The following USP46 variants were observed in gnomAD, a reference collection of about 807,000 sequenced individuals.
The protein encoded by USP46 is ubiquitin carboxyl-terminal hydrolase 46.
A neutral mutation model predicts 44.4 loss-of-function variants in USP46; 12 were observed. The observed-to-expected ratio is 0.27, with a 90% CI of 0.17 to 0.44. The LOEUF (loss-of-function observed/expected upper bound fraction) is 0.44, where lower values mean the gene tolerates loss of function less well. USP46 is among the 20% of genes least tolerant of loss of function. The pLI, the probability that USP46 is intolerant of heterozygous loss-of-function variation, is 1.00. For missense variants in USP46, 248 were observed against 444.8 expected, an observed-to-expected ratio of 0.56 and a Z score of 3.98; for synonymous variants, 155 against 161.5, an observed-to-expected ratio of 0.96 and a Z score of 0.31.
intron 6 of USP46, 42 bp from the exon 7 acceptor site, chr4:52,602,096 TA>T (rs1383271351): frequency 2.5e-6 from 4 of 1,577,700 alleles, no homozygotes; most frequent in Non-Finnish European, 3.4e-6. Flanking sequence ...ACCCAACACC[TA>T]TTAGGGGAAG....
At chr4:52,599,702 A>G (rs1045631490) in intron 7 of USP46, among the ~76,000 whole-genome samples, 1 of 152,158 alleles carries the variant, frequency 6.6e-6, no homozygotes, top group African/African-American at 2.4e-5. Context: ...TCCTAAACCT[A>G]AAACTGTTTT....
intron 8 of USP46, 116 bp downstream of exon 8, chr4:52,598,512 T>C: frequency 8.8e-7 from 1 of 1,141,206 alleles, no homozygotes; most frequent in Non-Finnish European, 1.3e-6. Flanking sequence ...AAATTTAAGT[T>C]GTTTTCAAAT....
intron 4 of USP46, among the ~76,000 whole-genome samples, chr4:52,619,415 C>T (rs994003548): frequency 6.6e-6 from 1 of 152,102 alleles, no homozygotes; most frequent in Non-Finnish European, 1.5e-5. Flanking sequence ...GGCAAGGTGC[C>T]CCCAGGGGCA....
intron 1 of USP46, among the ~76,000 whole-genome samples, chr4:52,657,245 G>A (rs1349053552): frequency 6.6e-6 from 1 of 152,028 alleles, no homozygotes; most frequent in Non-Finnish European, 1.5e-5. Flanking sequence ...TCAACTCTCA[G>A]GGCAGTATTG....
At chr4:52,632,904 GAGAAAGAAAGAA>G (rs1309590954) in intron 1 of USP46, among the ~76,000 whole-genome samples, 2 of 86,884 alleles carry the variant, frequency 2.3e-5, no homozygotes, top group African/African-American at 8.4e-5. Context: ...GGAAGGGAAA[GAGAAAGAAAGAA>G]AGAGAAAGAA....
At chr4:52,650,239 T>C (rs1015213000) in intron 1 of USP46, among the ~76,000 whole-genome samples, 1 of 152,164 alleles carries the variant, frequency 6.6e-6, no homozygotes, top group Non-Finnish European at 1.5e-5. Context: ...TAAACCATGG[T>C]TAAGTCAAAG....
intron 4 of USP46, among the ~76,000 whole-genome samples, chr4:52,615,848 G>C (rs1204125441): frequency 6.6e-6 from 1 of 152,160 alleles, no homozygotes; most frequent in East Asian, 1.9e-4. Context: ...TAACTGGATA[G>C]GTTTATGGCA....
intron 5 of USP46, among the ~76,000 whole-genome samples, chr4:52,608,936 T>C (rs574431443): frequency 8.6e-5 from 13 of 151,990 alleles, no homozygotes; most frequent in Non-Finnish European, 1.6e-4. Context: ...TCTAAGGCGC[T>C]CAAGTGGAAG....
intron 1 of USP46, among the ~76,000 whole-genome samples, chr4:52,632,029 GGGGAAGGGGAAGGGGAAA>G (rs1717844363): frequency 6.6e-6 from 1 of 151,628 alleles, no homozygotes. Flanking sequence ...GGAAGGGGAA[GGGGAAGGGGAAGGGGAAA>G]GGGAAGGGGA....
At position 52,591,438 on chromosome 4, in the gene USP46, A is replaced by G. The variant is rs761290158; in HGVS notation, c.*6202T>C. The G allele has an allele frequency of 6.6e-6, 1 of 152,238 alleles. No individual in the cohort carries two copies. The highest frequency in any genetic ancestry group is 1.5e-5 in the Non-Finnish European group (1 of 68,054). The allele number at this position is 152,238 out of a possible 1,614,324, so 9.4% of individuals were successfully genotyped here. A position where few individuals can be genotyped will look rare whatever the true frequency, so the allele number is the denominator to read the frequency against. ...CACAAGTGCCTGAACTCCTTTTCCA[A>G]GAAGAGCTTCTGTAGAATTCCACAC... On this transcript the variant is annotated 3_prime_UTR_variant, in exon 9 of 9. Coordinates refer to ENST00000441222, the MANE Select transcript of USP46 (RefSeq NM_022832.4).
intron 1 of USP46, among the ~76,000 whole-genome samples, chr4:52,644,249 CTATGATCTTAACACCAT>C (rs1165320357): frequency 1.3e-5 from 2 of 152,170 alleles, no homozygotes; most frequent in African/African-American, 2.4e-5. Flanking sequence ...AGTGGTGAAC[CTATGATCTTAACACCAT>C]TATTCCACAA....
intron 2 of USP46, among the ~76,000 whole-genome samples, chr4:52,628,630 G>C (rs10004461): frequency 0.15 from 22,379 of 152,226 alleles, 1,742 homozygotes; most frequent in African/African-American, 0.22. Context: ...TTGCTCGGCT[G>C]AAACAGCCTA....
Position 52,626,249 on chromosome 4 carries a change from T to C in USP46, c.332-2A>G, listed in dbSNP as rs934713038. On this transcript the variant is annotated splice_acceptor_variant, in intron 3 of 8. Transcript: ENST00000441222. LOFTEE classifies it high-confidence loss of function. ...GCTGCATGTAGTTATCAAAGAGATC[T>C]GGAAAGGAGAAGGTGGTTATTTCAG... 6.2e-7 allele frequency: 1 copy of C among 1,608,348 alleles called. No individual in the cohort carries two copies. Among genetic ancestry groups the C allele is most frequent in the African/African-American group, 1.3e-5 (1 of 74,540 alleles).
chr4:52,655,884 G>C (rs977855536), intron 1 of USP46, among the ~76,000 whole-genome samples: 1 of 152,156 alleles, frequency 6.6e-6, no homozygotes, highest in African/African-American at 2.4e-5. Flanking sequence ...CAAGTGGGTG[G>C]GTAAGTGGAG....
At chr4:52,642,037 A>G (rs1363713858) in intron 1 of USP46, among the ~76,000 whole-genome samples, 1 of 152,230 alleles carries the variant, frequency 6.6e-6, no homozygotes, top group Non-Finnish European at 1.5e-5. Context: ...TATTTTCAAA[A>G]GGACTAGTGT....
rs1716002681 is a variant in USP46, at chr4:52,591,308, C to A, written c.*6332G>T. 6.6e-6 allele frequency: 1 copy of A among 152,166 alleles called. No individual in the cohort carries two copies. The highest frequency in any genetic ancestry group is 6.5e-5 in the Admixed American group (1 of 15,268). The allele number at this position is 152,166 out of a possible 1,614,324, so 9.4% of individuals were successfully genotyped here. A position where few individuals can be genotyped will look rare whatever the true frequency, so the allele number is the denominator to read the frequency against. On this transcript the variant is annotated 3_prime_UTR_variant, in exon 9 of 9. Coordinates refer to ENST00000441222, the MANE Select transcript of USP46 (RefSeq NM_022832.4). ...ACACAGAAATAGTGGCTTCAATGAT[C>A]AAGTTATTTTGCTTCTGGTCAAGTC...
chr4:52,621,414 G>A (rs938480588), intron 4 of USP46, among the ~76,000 whole-genome samples: 1 of 152,124 alleles, frequency 6.6e-6, no homozygotes, highest in African/African-American at 2.4e-5. Flanking sequence ...CCAGCACTTT[G>A]TGAGGCTGAG....
At position 52,597,680 on chromosome 4, in the gene USP46, G is replaced by T; in HGVS notation, c.1061C>A (p.Ser354Ter). 1 of 1,601,300 alleles carries T rather than the reference G, an allele frequency of 6.2e-7. No homozygotes were observed. The highest frequency in any genetic ancestry group is 8.5e-7 in the Non-Finnish European group (1 of 1,173,324). The change falls in exon 9 of 9, where the codon TCA (serine) becomes TAA (stop). Residue 354 changes from serine (S) to a stop codon, truncating the protein, a stop_gained. Transcript: ENST00000441222. LOFTEE classifies it high-confidence loss of function. ...YGLTSDISKN[S>*]ESGYILFYQS... ...ATAGAATAAAATATATCCAGATTCT[G>T]AATTTTTTGATATATCTGACGTCAG...
chr4:52,656,243 T>C (rs2109378014), intron 1 of USP46: 1 of 1,535,866 alleles, frequency 6.5e-7, no homozygotes, highest in South Asian at 1.2e-5. Flanking sequence ...GAAGGGTCAG[T>C]AAGAGGCCCA....
Sources: gnomAD v4.1 joint callset for allele counts (sites outside exome capture counted in the v4.1 genomes callset) on GRCh38, gnomAD v4.1.1 for gene constraint, MANE v1.5 for transcripts, NCBI Gene and HGNC (gene_info 2026-07-23, HGNC 2026-07-21) for gene names.